The following GAL3ST2 variants were observed in gnomAD, a reference collection of about 807,000 sequenced individuals.
The protein encoded by GAL3ST2 is beta-galactose-3-O-sulfotransferase 2.
GAL3ST2 carries 16 observed loss-of-function variants against 12.9 expected under a neutral mutation model. The observed-to-expected ratio is 1.24, with a 90% confidence interval of 0.84 to 1.88. GAL3ST2 has a LOEUF of 1.88. Among genes scored for constraint, GAL3ST2 ranks in the 40% most tolerant of loss-of-function variants. The pLI, the probability that GAL3ST2 is intolerant of heterozygous loss-of-function variation, is 0.00. For synonymous variants in GAL3ST2, 302 were observed against 273.9 expected (o/e 1.10, Z -1.01); for missense variants, 639 against 571.8 (o/e 1.12, Z -1.20).
chr2:241,804,073 G>C lies in GAL3ST2; in HGVS notation c.1104G>C (p.Arg368Ser). ...LDNQTLGVCQRLVMPELQYMA... is the reference protein window; with the variant it reads ...LDNQTLGVCQSLVMPELQYMA... ...ACCAGACGCTGGGCGTGTGCCAGAG[G>C]CTTGTGATGCCTGAGCTCCAGTACA... Residue 368 changes from arginine (R) to serine (S), a missense_variant, in exon 4 of 4, where the codon AGG becomes AGC. Arg to Ser is a moderately radical substitution (Grantham distance 110). Coordinates refer to ENST00000192314, the MANE Select transcript of GAL3ST2 (RefSeq NM_022134.3). 1 of 1,545,430 alleles carries C rather than the reference G, an allele frequency of 6.5e-7. No individual in the cohort carries two copies. Among genetic ancestry groups the C allele is most frequent in the Non-Finnish European group, 8.7e-7 (1 of 1,146,384 alleles).
intron 1 of GAL3ST2, among the ~76,000 whole-genome samples, chr2:241,777,971 G>C (rs1699514287): frequency 6.6e-6 from 1 of 152,168 alleles, no homozygotes; most frequent in Admixed American, 6.5e-5. Flanking sequence ...GAAGGCCCTC[G>C]GGGAGCCCAG....
chr2:241,779,222 T>G (rs923417243), intron 1 of GAL3ST2, among the ~76,000 whole-genome samples: 3 of 74,440 alleles, frequency 4.0e-5, no homozygotes, highest in African/African-American at 1.8e-4. Context: ...TCATTTTTTT[T>G]TTTTTTTTTT....
intron 1 of GAL3ST2, among the ~76,000 whole-genome samples, chr2:241,777,949 G>C (rs111771535): frequency 0.017 from 2,524 of 152,322 alleles, 85 homozygotes; most frequent in African/African-American, 0.058. Context: ...AGACATGGGA[G>C]GCATTGCAGC....
chr2:241,777,646 A>G (rs936780213), intron 1 of GAL3ST2, among the ~76,000 whole-genome samples: 4 of 152,112 alleles, frequency 2.6e-5, no homozygotes, highest in Non-Finnish European at 4.4e-5. Flanking sequence ...GTGTGCCGCC[A>G]TGAATTCAGT....
chr2:241,787,144 A>T (rs914490471), intron 1 of GAL3ST2, among the ~76,000 whole-genome samples: 1 of 152,118 alleles, frequency 6.6e-6, no homozygotes, highest in South Asian at 2.1e-4. Context: ...ACCTTCCCAG[A>T]CCAAACCAAT....
intron 1 of GAL3ST2, among the ~76,000 whole-genome samples, chr2:241,790,190 C>A (rs1343339844): frequency 6.6e-6 from 1 of 151,968 alleles, no homozygotes; most frequent in Admixed American, 6.6e-5. Flanking sequence ...AACAGGTGTT[C>A]TTACATATAG....
At chr2:241,803,267 G>C in intron 3 of GAL3ST2, 78 bp from the exon 4 acceptor site, 20 of 1,214,238 alleles carry the variant, frequency 1.6e-5, no homozygotes, top group Non-Finnish European at 2.3e-5. Flanking sequence ...GGTGTGGCCA[G>C]GGCGCGCCTC....
chr2:241,793,053 G>A lies in GAL3ST2; in HGVS notation c.30-6012G>A, dbSNP rs1036773780. Among the ~76,000 whole-genome samples the A allele has an allele frequency of 6.6e-6, 1 of 152,106 alleles. No homozygotes were observed. Among genetic ancestry groups the A allele is most frequent in the Non-Finnish European group, 1.5e-5 (1 of 68,012 alleles). On this transcript the variant is annotated intron_variant, in intron 1 of 3. Coordinates refer to ENST00000192314, the MANE Select transcript of GAL3ST2 (RefSeq NM_022134.3). This position sits in a 1 kb window ranked among gnomAD's most constrained non-coding sequence, Gnocchi z 4.7. ...GAACCAATGTTCGTCCTGCATATGC[G>A]GACTGATGTCTCATGTCTCCCTACA... is the stretch of plus-strand genomic sequence containing the variant.
Position 241,804,020 on chromosome 2 carries a change from G to T in GAL3ST2, c.1051G>T (p.Gly351Cys). ...PYQSGKADILGYNLRPGLDNQ... is the reference protein window; with the variant it reads ...PYQSGKADILCYNLRPGLDNQ... ...CCAGTCCGGCAAGGCCGACATCCTG[G>T]GTTACAACCTCCGGCCGGGCCTGGA... Residue 351 changes from glycine to cysteine, a missense_variant, in exon 4 of 4, where the codon GGT becomes TGT. By Grantham distance (159) the Gly-to-Cys change is radical. Transcript: ENST00000192314. 6.4e-7 allele frequency: 1 copy of T among 1,568,502 alleles called. No individual in the cohort carries two copies. Among genetic ancestry groups the T allele is most frequent in the East Asian group, 2.5e-5 (1 of 40,636 alleles).
At position 241,793,361 on chromosome 2, in the gene GAL3ST2, G is replaced by A. The variant is rs1699722675; in HGVS notation, c.30-5704G>A. Among the ~76,000 whole-genome samples the A allele has an allele frequency of 6.6e-6, 1 of 151,252 alleles. No homozygotes were observed. Among genetic ancestry groups the A allele is most frequent in the African/African-American group, 2.5e-5 (1 of 40,690 alleles). Reference sequence around the variant, plus strand: ...GTATCTGTATGTATGTGTGTGTATTGTGTGTGTATGTATGTATTGTGTATG... The same window carrying A: ...GTATCTGTATGTATGTGTGTGTATTATGTGTGTATGTATGTATTGTGTATG... On this transcript the variant is annotated intron_variant, in intron 1 of 3. Coordinates refer to ENST00000192314, the MANE Select transcript of GAL3ST2 (RefSeq NM_022134.3). This position sits in a 1 kb window ranked among gnomAD's most constrained non-coding sequence, Gnocchi z 4.7.
rs995507782 is a variant in GAL3ST2 at position 241,800,542 on chromosome 2, C to T, written c.120-1239C>T. On this transcript the variant is annotated intron_variant, in intron 2 of 3. Transcript: ENST00000192314. The surrounding 1 kb of genome is among the most constrained non-coding windows in gnomAD (Gnocchi z 5.2). ...GGGGTGGAGACTGCACATCTAACTG[C>T]GTTACAATCAGGCCCTGCACGTCAG... Among the ~76,000 whole-genome samples, 3 of 152,186 alleles carry T rather than the reference C, an allele frequency of 2.0e-5. No homozygotes were observed. The highest frequency in any genetic ancestry group is 4.4e-5 in the Non-Finnish European group (3 of 68,040).
In GAL3ST2 at chr2:241,795,094, C is replaced by T. The variant is rs1052006917; in HGVS notation, c.30-3971C>T. On this transcript the variant is annotated intron_variant, in intron 1 of 3. Transcript: ENST00000192314. This position sits in a 1 kb window ranked among gnomAD's most constrained non-coding sequence, Gnocchi z 4.5. ...GCGTGTAAGGACAGAAACACCATCT[C>T]TCTGCTTGGTGGAACACATCACCCA... is the stretch of plus-strand genomic sequence containing the variant. Among the ~76,000 whole-genome samples, 3 of 152,022 alleles carry T rather than the reference C, an allele frequency of 2.0e-5. No homozygotes were observed. Among genetic ancestry groups the T allele is most frequent in the African/African-American group, 7.3e-5 (3 of 41,376 alleles).
chr2:241,803,123 C>G (rs1699875675), intron 3 of GAL3ST2, among the ~76,000 whole-genome samples: 1 of 152,234 alleles, frequency 6.6e-6, no homozygotes, highest in South Asian at 2.1e-4. Flanking sequence ...GGCCTCTGTT[C>G]TGGGCACCCG....
chr2:241,781,949 A>T (rs77401496), intron 1 of GAL3ST2, among the ~76,000 whole-genome samples: 12,413 of 120,064 alleles, frequency 0.1, no homozygotes, highest in African/African-American at 0.21. Flanking sequence ...AAAAGCCTTC[A>T]TTCTTTGAGA....
chr2:241,787,599 C>A (rs559964346), intron 1 of GAL3ST2, among the ~76,000 whole-genome samples: 3 of 148,752 alleles, frequency 2.0e-5, no homozygotes, highest in African/African-American at 7.5e-5. Context: ...AGTTCTACTG[C>A]TTCCATGACG....
intron 1 of GAL3ST2, among the ~76,000 whole-genome samples, 174 bp downstream of exon 1, chr2:241,777,158 G>A (rs1425463022): frequency 6.6e-6 from 1 of 152,220 alleles, no homozygotes; most frequent in Non-Finnish European, 1.5e-5. Flanking sequence ...TCGGAAGTAG[G>A]GGGCCCCTCC....
At chr2:241,789,652 A>G (rs967411278) in intron 1 of GAL3ST2, among the ~76,000 whole-genome samples, 1 of 152,204 alleles carries the variant, frequency 6.6e-6, no homozygotes, top group African/African-American at 2.4e-5. Flanking sequence ...GAAGCCAAGG[A>G]GGGTGGATCA....
chr2:241,778,508 C>T (rs1299706684), intron 1 of GAL3ST2, among the ~76,000 whole-genome samples: 30 of 152,212 alleles, frequency 2.0e-4, no homozygotes, highest in Admixed American at 1.9e-3. Context: ...TGTTGCCTCC[C>T]TGGGGTGTGG....
intron 1 of GAL3ST2, among the ~76,000 whole-genome samples, chr2:241,787,294 C>A (rs1699638478): frequency 6.6e-6 from 1 of 152,100 alleles, no homozygotes; most frequent in African/African-American, 2.4e-5. Context: ...CATCGTCAAC[C>A]TTGGCGCAAT....
Sources: gnomAD v4.1 joint callset for allele counts (sites outside exome capture counted in the v4.1 genomes callset) on GRCh38, gnomAD v4.1.1 for gene constraint, Gnocchi (gnomAD v3.1) non-coding constraint, MANE v1.5 for transcripts, NCBI Gene and HGNC (gene_info 2026-07-23, HGNC 2026-07-21) for gene names.